The following COG6 variants were observed in gnomAD, a reference collection of about 807,000 sequenced individuals.
COG6 encodes the protein conserved oligomeric Golgi complex subunit 6.
In COG6, 74 loss-of-function variants were observed where a neutral mutation model predicts 88.8. The observed-to-expected ratio is 0.83, with a 90% CI of 0.69 to 1.01. COG6 has a LOEUF of 1.01. Ranked by LOEUF, COG6 falls within the 50% of genes least tolerant of loss-of-function variation. The pLI, the probability that COG6 is intolerant of heterozygous loss-of-function variation, is 0.00. For missense variants in COG6, 800 were observed against 797.9 expected (o/e 1.00, Z -0.03); for synonymous variants, 286 against 278.7 (o/e 1.03, Z -0.26).
chr13:39,785,650 G>T (rs550650127), intron 18 of COG6: 3 of 152,290 alleles, frequency 2.0e-5, no homozygotes, highest in African/African-American at 7.2e-5. Context: ...AAGGATCAGA[G>T]AATTTACCCT....
chr13:39,681,623 C>A (rs1377865905), intron 7 of COG6, among the ~76,000 whole-genome samples: 1 of 152,076 alleles, frequency 6.6e-6, no homozygotes, highest in Non-Finnish European at 1.5e-5. Context: ...GTTCTAAATT[C>A]TTTGAATATA....
At chr13:39,712,595 GAGTCTAA>G (rs1393629866) in intron 13 of COG6, among the ~76,000 whole-genome samples, 1 of 152,196 alleles carries the variant, frequency 6.6e-6, no homozygotes, top group Non-Finnish European at 1.5e-5. Context: ...CTGAAATAAG[GAGTCTAA>G]TCTGTTTGAA....
intron 18 of COG6, among the ~76,000 whole-genome samples, chr13:39,734,529 T>C (rs1044378862): frequency 6.6e-6 from 1 of 152,206 alleles, no homozygotes; most frequent in African/African-American, 2.4e-5. Context: ...ATATGGTCTG[T>C]CCTTGAGAAT....
chr13:39,689,231 G>T (rs959274593), intron 10 of COG6, among the ~76,000 whole-genome samples: 4 of 152,152 alleles, frequency 2.6e-5, no homozygotes, highest in African/African-American at 4.8e-5. Flanking sequence ...TTTTCCATCT[G>T]TGAAAATGAA....
chr13:39,701,882 T>G (rs574372062), intron 13 of COG6, among the ~76,000 whole-genome samples: 1 of 151,920 alleles, frequency 6.6e-6, no homozygotes, highest in African/African-American at 2.4e-5. Context: ...AATGAAGATA[T>G]ATGGAAAGGA....
rs58666375 is a variant in COG6, at chr13:39,724,483, C to CT, written c.1693-7dup. 2,620 of 1,280,378 alleles carry CT rather than the reference C, an allele frequency of 2.0e-3. 1 individual carries two copies. The highest frequency in any genetic ancestry group is 3.3e-3 in the South Asian group (244 of 73,590). The allele number at this position is 1,280,378 out of a possible 1,614,324, so 79.3% of individuals were successfully genotyped here. On this transcript the variant is annotated intron_variant, in intron 16 of 18. Coordinates refer to ENST00000455146, the MANE Select transcript of COG6 (RefSeq NM_020751.3). ...TCTCCTTTTTTACATCTTGGATCTG[C>CT]TTTTTTTTTTTTTTTTTTAAATAGG...
intron 8 of COG6, among the ~76,000 whole-genome samples, chr13:39,683,514 G>C (rs1265763344): frequency 1.3e-5 from 2 of 152,168 alleles, no homozygotes; most frequent in Admixed American, 6.5e-5. Flanking sequence ...GCAACAGCTG[G>C]ATCATAATAG....
intron 1 of COG6, chr13:39,656,804 A>G (rs1332760464): frequency 2.2e-6 from 1 of 455,874 alleles, no homozygotes; most frequent in Non-Finnish European, 4.4e-6. Flanking sequence ...AAGTCCCTTC[A>G]CTAATCTCAG....
intron 18 of COG6, among the ~76,000 whole-genome samples, chr13:39,787,799 T>A (rs1041444891): frequency 6.6e-6 from 1 of 152,208 alleles, no homozygotes; most frequent in Non-Finnish European, 1.5e-5. Flanking sequence ...TATTAGGTAT[T>A]GTAAGTAATC....
chr13:39,675,903 C>G (rs889710928), intron 4 of COG6, among the ~76,000 whole-genome samples: 1 of 151,908 alleles, frequency 6.6e-6, no homozygotes, highest in African/African-American at 2.4e-5. Context: ...GTTAAGGTAA[C>G]TCTTTAAGCT....
intron 2 of COG6, 46 bp from the exon 3 acceptor site, chr13:39,660,764 T>G: frequency 8.2e-7 from 1 of 1,217,648 alleles, no homozygotes; most frequent in South Asian, 1.2e-5. Flanking sequence ...GAGAATCTTC[T>G]TCTTGCTGTA....
At chr13:39,686,854 C>G (rs1412338951) in intron 8 of COG6, among the ~76,000 whole-genome samples, 2 of 151,966 alleles carry the variant, frequency 1.3e-5, no homozygotes, top group African/African-American at 2.4e-5. Flanking sequence ...CTCAGCCTTC[C>G]GAGTAGCTGG....
At chr13:39,704,769 C>G (rs1259972260) in intron 13 of COG6, among the ~76,000 whole-genome samples, 1 of 152,116 alleles carries the variant, frequency 6.6e-6, no homozygotes, top group Non-Finnish European at 1.5e-5. Context: ...TTATTAATTA[C>G]CAATCAATAT....
chr13:39,761,731 C>A (rs1392902306), intron 18 of COG6, among the ~76,000 whole-genome samples: 5 of 151,060 alleles, frequency 3.3e-5, no homozygotes, highest in South Asian at 4.2e-4. Flanking sequence ...AAATAAACAT[C>A]TCTGAAAACC....
intron 18 of COG6, among the ~76,000 whole-genome samples, chr13:39,742,540 A>G (rs1880102049): frequency 6.6e-6 from 1 of 152,146 alleles, no homozygotes; most frequent in Admixed American, 6.5e-5. Context: ...GATCAATTCA[A>G]CAAGAAGAGC....
At chr13:39,784,914 T>G (rs1197445994) in intron 18 of COG6, among the ~76,000 whole-genome samples, 1 of 152,098 alleles carries the variant, frequency 6.6e-6, no homozygotes, top group Non-Finnish European at 1.5e-5. Context: ...CTCAGTGTCA[T>G]TTGGTTGTGG....
intron 4 of COG6, among the ~76,000 whole-genome samples, chr13:39,669,332 G>T (rs1002491585): frequency 1.3e-5 from 2 of 152,188 alleles, no homozygotes; most frequent in South Asian, 4.1e-4. Context: ...ATTGAAAATT[G>T]TGATTAAAAC....
At chr13:39,789,765 G>A (rs924864619) in exon 19 of COG6, 4 of 152,210 alleles carry the variant, frequency 2.6e-5, no homozygotes, top group Non-Finnish European at 5.9e-5. Flanking sequence ...CGTTCGTCAG[G>A]GATAAGAACA....
chr13:39,703,109 T>TC (rs1566186729), intron 13 of COG6, among the ~76,000 whole-genome samples: 1 of 152,082 alleles, frequency 6.6e-6, no homozygotes, highest in Non-Finnish European at 1.5e-5. Context: ...AAAAATTGTC[T>TC]CCAACATCAG....
Sources: gnomAD v4.1 joint callset for allele counts (sites outside exome capture counted in the v4.1 genomes callset) on GRCh38, gnomAD v4.1.1 for gene constraint, MANE v1.5 for transcripts, NCBI Gene and HGNC (gene_info 2026-07-23, HGNC 2026-07-21) for gene names.